The following SP4 variants were observed in gnomAD, a reference collection of about 807,000 sequenced individuals.
SP4 encodes the protein transcription factor Sp4.
A neutral mutation model predicts 72.8 loss-of-function variants in SP4; 19 were observed. The ratio of observed to expected loss-of-function variants is 0.26; its 90% confidence interval spans 0.18 to 0.38. SP4 has a LOEUF of 0.38. Among genes scored for constraint, SP4 ranks in the 10% least tolerant of loss-of-function variants. SP4 has a pLI of 1.00. For missense variants in SP4, 1,008 were observed against 926.3 expected, an observed-to-expected ratio of 1.09 and a Z score of -1.14; for synonymous variants, 395 against 333.1, an observed-to-expected ratio of 1.19 and a Z score of -2.02.
chr7:21,430,733 A>G lies in SP4; in HGVS notation c.1568A>G (p.Asn523Ser). ...VAVAGAPITL[N>S]TAQLASVPNL... ...GTTGCTGGTGCCCCAATAACTTTGA[A>G]TACTGCCCAGCTTGCATCAGTGCCT... The change falls in exon 3 of 6, where the codon AAT (asparagine) becomes AGT (serine). Residue 523 changes from asparagine (N) to serine (S), a missense_variant. Coordinates refer to ENST00000222584, the MANE Select transcript of SP4 (RefSeq NM_003112.5). 1.2e-6 allele frequency: 2 copies of G among 1,614,190 alleles called. No individual in the cohort carries two copies. The highest frequency in any genetic ancestry group is 1.3e-5 in the African/African-American group (1 of 75,054).
intron 3 of SP4, among the ~76,000 whole-genome samples, chr7:21,460,944 T>G (rs1315885286): frequency 6.6e-6 from 1 of 151,194 alleles, no homozygotes; most frequent in Non-Finnish European, 1.5e-5. Flanking sequence ...ATTCTCCAAG[T>G]CCCCACCAAG....
At chr7:21,433,265 CT>C (rs1310513544) in intron 3 of SP4, among the ~76,000 whole-genome samples, 1 of 152,120 alleles carries the variant, frequency 6.6e-6, no homozygotes, top group East Asian at 1.9e-4. Context: ...TTGGGTGGTT[CT>C]GTTTTAAGTA....
chr7:21,446,458 G>A (rs1352905367), intron 3 of SP4, among the ~76,000 whole-genome samples: 3 of 151,874 alleles, frequency 2.0e-5, no homozygotes, highest in Non-Finnish European at 4.4e-5. Flanking sequence ...AAAAAAAAAA[G>A]AGCTCTGTGC....
intron 3 of SP4, among the ~76,000 whole-genome samples, chr7:21,456,112 A>G (rs1339594720): frequency 1.3e-5 from 2 of 152,180 alleles, no homozygotes; most frequent in African/African-American, 4.8e-5. Flanking sequence ...AGGGGGCAAC[A>G]TTTATTGGCC....
At chr7:21,500,885 G>A (rs1781846048) in intron 5 of SP4, among the ~76,000 whole-genome samples, 1 of 152,090 alleles carries the variant, frequency 6.6e-6, no homozygotes, top group Admixed American at 6.6e-5. Flanking sequence ...CTTAATGTGG[G>A]AAACACACAT....
At chr7:21,460,721 C>T (rs751383320) in intron 3 of SP4, among the ~76,000 whole-genome samples, 1 of 152,144 alleles carries the variant, frequency 6.6e-6, no homozygotes, top group Non-Finnish European at 1.5e-5. Context: ...AATCCCTGAG[C>T]TAGACACAAA....
intron 5 of SP4, among the ~76,000 whole-genome samples, chr7:21,487,345 T>A (rs1474264611): frequency 1.3e-5 from 2 of 151,866 alleles, no homozygotes; most frequent in Admixed American, 1.3e-4. Flanking sequence ...CCTCTCTCTC[T>A]CTTTCTCTGT....
intron 5 of SP4, among the ~76,000 whole-genome samples, chr7:21,496,044 C>T (rs941895665): frequency 2.0e-5 from 3 of 152,048 alleles, no homozygotes; most frequent in African/African-American, 7.2e-5. Flanking sequence ...CTGGAAAAAT[C>T]AAAACTATAA....
At chr7:21,470,985 A>G (rs1784324684) in intron 3 of SP4, 2 of 501,710 alleles carry the variant, frequency 4.0e-6, no homozygotes. Context: ...TAAAATCTGT[A>G]AGATGAATAG....
chr7:21,498,274 A>G (rs1027736200), intron 5 of SP4, among the ~76,000 whole-genome samples: 1 of 152,166 alleles, frequency 6.6e-6, no homozygotes, highest in Non-Finnish European at 1.5e-5. Context: ...TTTAAAGTAT[A>G]TGGGAGGATG....
chr7:21,450,594 C>G (rs528895521), intron 3 of SP4, among the ~76,000 whole-genome samples: 9 of 152,022 alleles, frequency 5.9e-5, no homozygotes, highest in Non-Finnish European at 1.3e-4. Context: ...GAAGATTGAA[C>G]AAATTGTGAT....
chr7:21,429,244 C>CT (rs376953570), intron 2 of SP4, 45 bp from the exon 3 acceptor site: 1 of 1,147,012 alleles, frequency 8.7e-7, no homozygotes, highest in South Asian at 1.5e-5. Context: ...AATCCGCCCA[C>CT]TTTTTTTCCC....
rs147959194 is a variant in SP4, at chr7:21,451,578, C to T, written c.1678+20735C>T. On this transcript the variant is annotated intron_variant, in intron 3 of 5. Transcript: ENST00000222584. ...CTTGCTGGCTGTCAGGGCAGGGTGG[C>T]TCTGTGGGTTGATGAAAGCTGAATT... 6.5e-4 allele frequency among the ~76,000 whole-genome samples: 99 copies of T among 152,140 alleles called. 2 individuals carry two copies. The East Asian group carries it at 0.016, about 25-fold the overall frequency.
intron 3 of SP4, among the ~76,000 whole-genome samples, chr7:21,445,940 C>T (rs890920257): frequency 1.3e-5 from 2 of 150,156 alleles, no homozygotes; most frequent in East Asian, 2.0e-4. Flanking sequence ...TAATTTAGTC[C>T]GTATTTCCAA....
intron 3 of SP4, among the ~76,000 whole-genome samples, chr7:21,437,268 G>A (rs1783079271): frequency 1.3e-5 from 2 of 152,164 alleles, no homozygotes; most frequent in African/African-American, 4.8e-5. Context: ...ATCACTGGGA[G>A]CCACTATGGG....
chr7:21,428,248 CG>C lies in SP4; in HGVS notation c.-1del. Reference sequence around the variant, plus strand: ...CGTCTGAGGGTTTGTCCTGTTAATGCGGGATGAGCGGTACGTATTCTCCACC... The same window carrying C: ...CGTCTGAGGGTTTGTCCTGTTAATGCGGATGAGCGGTACGTATTCTCCACC... On this transcript the variant is annotated 5_prime_UTR_variant, in exon 1 of 6. Transcript: ENST00000222584. 7.6e-7 allele frequency: 1 copy of C among 1,310,004 alleles called. No individual in the cohort carries two copies. Among genetic ancestry groups the C allele is most frequent in the South Asian group, 1.2e-5 (1 of 80,986 alleles). The allele number at this position is 1,310,004 out of a possible 1,614,324, so 81.1% of individuals were successfully genotyped here.
chr7:21,466,462 G>T (rs1223660746), intron 3 of SP4, among the ~76,000 whole-genome samples: 1 of 152,132 alleles, frequency 6.6e-6, no homozygotes, highest in Non-Finnish European at 1.5e-5. Flanking sequence ...ACAGCTCCCA[G>T]GTCCTCAAAG....
At chr7:21,486,693 C>T (rs1461500194) in intron 5 of SP4, among the ~76,000 whole-genome samples, 1 of 151,932 alleles carries the variant, frequency 6.6e-6, no homozygotes, top group African/African-American at 2.4e-5. Context: ...TGATGTTAAC[C>T]CTGATGTATT....
At chr7:21,481,073 CTT>C (rs1784671781) in intron 4 of SP4, among the ~76,000 whole-genome samples, 1 of 152,142 alleles carries the variant, frequency 6.6e-6, no homozygotes, top group Non-Finnish European at 1.5e-5. Flanking sequence ...AGAACTTTGA[CTT>C]TATGAACTAT....
Sources: gnomAD v4.1 joint callset for allele counts (sites outside exome capture counted in the v4.1 genomes callset) on GRCh38, gnomAD v4.1.1 for gene constraint, MANE v1.5 for transcripts, NCBI Gene and HGNC (gene_info 2026-07-23, HGNC 2026-07-21) for gene names.